The following KCNAB2 variants were observed in gnomAD, a reference collection of about 807,000 sequenced individuals.
The protein encoded by KCNAB2 is potassium voltage-gated channel subfamily A regulatory beta subunit 2.
In KCNAB2, 29 loss-of-function variants were observed where a neutral mutation model predicts 63.6. That is an observed-to-expected ratio of 0.46 (90% confidence interval 0.34 to 0.62). The LOEUF is 0.62. KCNAB2 is among the 20% of genes least tolerant of loss of function. The pLI is 0.01. For synonymous variants in KCNAB2, 222 were observed against 224.2 expected, an observed-to-expected ratio of 0.99 and a Z score of 0.09; for missense variants, 359 against 563.9, an observed-to-expected ratio of 0.64 and a Z score of 3.68.
chr1:6,039,690 A>G (rs1660338774), intron 1 of KCNAB2, among the ~76,000 whole-genome samples: 1 of 152,138 alleles, frequency 6.6e-6, no homozygotes, highest in African/African-American at 2.4e-5. Flanking sequence ...CTCACCTTGG[A>G]AACCTCTGGT....
intron 2 of KCNAB2, among the ~76,000 whole-genome samples, chr1:6,067,830 G>T (rs1662880477): frequency 6.6e-6 from 1 of 152,188 alleles, no homozygotes; most frequent in Non-Finnish European, 1.5e-5. Context: ...AGGAGATCAA[G>T]ACCAGCCTGG....
intron 1 of KCNAB2, among the ~76,000 whole-genome samples, chr1:6,012,236 G>T (rs1263292788): frequency 2.2e-5 from 3 of 139,052 alleles, no homozygotes; most frequent in Middle Eastern, 3.8e-3. Context: ...GGAGGTGGAG[G>T]TGATGAAGGC....
intron 1 of KCNAB2, among the ~76,000 whole-genome samples, chr1:6,017,612 A>G (rs1658585284): frequency 6.6e-6 from 1 of 152,054 alleles, no homozygotes; most frequent in South Asian, 2.1e-4. Context: ...TGGCCAACAT[A>G]GTGAAACCCC....
rs1200167148 is a variant in KCNAB2, at chr1:6,071,869, G to A, written c.219-886G>A. Among the ~76,000 whole-genome samples, 1 of 150,248 alleles carries A rather than the reference G, an allele frequency of 6.7e-6. No homozygotes were observed. The highest frequency in any genetic ancestry group is 2.5e-5 in the African/African-American group (1 of 40,152). ...GCCGCGAGGGCACCTCCTGCCGCGT[G>A]GGCTCCTCCTGCCGCGTAGGGCTCC... On this transcript the variant is annotated intron_variant, in intron 2 of 15. Coordinates refer to ENST00000378083, the MANE Select transcript of KCNAB2 (RefSeq NM_001199862.2). The surrounding 1 kb of genome is among the most constrained non-coding windows in gnomAD (Gnocchi z 8.5).
At position 6,082,240 on chromosome 1, in the gene KCNAB2, C is replaced by T; in HGVS notation, c.346C>T (p.Leu116Phe). Residue 116 changes from leucine to phenylalanine, a missense_variant, in exon 5 of 16, where the codon CTC becomes TTC. By Grantham distance (22) the Leu-to-Phe change is conservative. This residue lies in a region of KCNAB2 where 271 missense variants were observed against 476.1 expected (regional missense o/e 0.57). Coordinates refer to ENST00000378083, the MANE Select transcript of KCNAB2 (RefSeq NM_001199862.2). The part of the protein sequence containing the change: ...MTLAYDNGIN[L>F]FDTAEVYAAG... ...CTTGGCCTATGATAATGGCATCAAC[C>T]TCTTCGATACAGCAGAAGTCTACGC... is the stretch of plus-strand genomic sequence containing the variant. The T allele has an allele frequency of 6.2e-7, 1 of 1,613,932 alleles. No homozygotes were observed. Among genetic ancestry groups the T allele is most frequent in the Non-Finnish European group, 8.5e-7 (1 of 1,179,852 alleles).
intron 2 of KCNAB2, among the ~76,000 whole-genome samples, chr1:6,061,989 C>T (rs778358030): frequency 4.6e-5 from 7 of 152,130 alleles, no homozygotes; most frequent in Non-Finnish European, 8.8e-5. Context: ...ACAGACTTTC[C>T]GGCAAAGAAT....
chr1:6,041,361 G>T (rs151163746), upstream of KCNAB2: 801 of 182,672 alleles, frequency 4.4e-3, 5 homozygotes, highest in African/African-American at 0.018. Context: ...CTGAGCCAGA[G>T]CCCGTGTCTG....
At chr1:6,095,088 C>T (rs1311137620) in intron 11 of KCNAB2, among the ~76,000 whole-genome samples, 1 of 152,248 alleles carries the variant, frequency 6.6e-6, no homozygotes, top group Non-Finnish European at 1.5e-5. Context: ...AGAGCCTGGG[C>T]TGCTCATAAC....
intron 9 of KCNAB2, among the ~76,000 whole-genome samples, chr1:6,090,790 A>T (rs1665125288): frequency 6.6e-6 from 1 of 152,084 alleles, no homozygotes; most frequent in Non-Finnish European, 1.5e-5. Context: ...TGCGGCTGCT[A>T]TTTTGCAGCT....
chr1:6,071,648 T>A lies in KCNAB2; in HGVS notation c.219-1107T>A, dbSNP rs1663196026. 6.6e-6 allele frequency among the ~76,000 whole-genome samples: 1 copy of A among 152,162 alleles called. No homozygotes were observed. Among genetic ancestry groups the A allele is most frequent in the African/African-American group, 2.4e-5 (1 of 41,438 alleles). On this transcript the variant is annotated intron_variant, in intron 2 of 15. Coordinates refer to ENST00000378083, the MANE Select transcript of KCNAB2 (RefSeq NM_001199862.2). The surrounding 1 kb of genome is among the most constrained non-coding windows in gnomAD (Gnocchi z 8.5). ...CAAGGCGCCTGCTGCGTAGGGCACC[T>A]GCCGCTTAGGACTCCTGCCACCGCG...
Position 6,078,031 on chromosome 1 carries a change from C to T in KCNAB2, c.301-4164C>T, listed in dbSNP as rs554734268. On this transcript the variant is annotated intron_variant, in intron 4 of 15. Transcript: ENST00000378083. The surrounding 1 kb of genome is among the most constrained non-coding windows in gnomAD (Gnocchi z 4.2). ...GCCTAAGTCCAGGAGTCAGCCGGGC[C>T]GGGCTTCCTTCTCCCGGCCAGGACC... Among the ~76,000 whole-genome samples, 70 of 149,596 alleles carry T rather than the reference C, an allele frequency of 4.7e-4. No individual in the cohort carries two copies. The highest frequency in any genetic ancestry group is 2.3e-3 in the East Asian group (12 of 5,160).
At chr1:6,045,438 T>C (rs1660835773), upstream of KCNAB2, among the ~76,000 whole-genome samples, 1 of 152,154 alleles carries the variant, frequency 6.6e-6, no homozygotes, top group South Asian at 2.1e-4. This position sits in a 1 kb window ranked among gnomAD's most constrained non-coding sequence, Gnocchi z 4.8. Context: ...GGTCAGGACA[T>C]GTGCCGTGGA....
At chr1:6,013,755 C>T (rs1042283670) in intron 1 of KCNAB2, among the ~76,000 whole-genome samples, 3 of 152,068 alleles carry the variant, frequency 2.0e-5, no homozygotes, top group African/African-American at 7.2e-5. Flanking sequence ...CAGGTGGCCC[C>T]AGCTCACACC....
At chr1:6,068,551 C>T (rs530960781) in intron 2 of KCNAB2, among the ~76,000 whole-genome samples, 40 of 152,284 alleles carry the variant, frequency 2.6e-4, no homozygotes, top group African/African-American at 8.9e-4. Context: ...GCTGTCACGG[C>T]GGGAGGGTAG....
rs143402250 is a variant in KCNAB2, at chr1:6,027,767, G to A, written c.-52-12750G>A. 2.3e-3 allele frequency among the ~76,000 whole-genome samples: 347 copies of A among 152,310 alleles called. 1 individual carries two copies. Among genetic ancestry groups the A allele is most frequent in the African/African-American group, 7.7e-3 (322 of 41,560 alleles). On this transcript the variant is annotated intron_variant, in intron 1 of 16. Coordinates refer to the KCNAB2 transcript ENST00000341524. ...TTCGGCAGTCATGACCTTGGGCACC[G>A]TGGTTAGGTCCCAATGCTTCTGCTG...
rs200654365 is a variant in KCNAB2 at position 6,011,305 on chromosome 1, G to A, written c.-53+18517G>A. ...CCAGGTGTGCGGGAGACAGGCAGGCGGCTGTGCCCAGGGCCAAGTGTGCGG... is the reference window on the plus strand; with the variant it reads ...CCAGGTGTGCGGGAGACAGGCAGGCAGCTGTGCCCAGGGCCAAGTGTGCGG... On this transcript the variant is annotated intron_variant, in intron 1 of 16. Coordinates refer to the KCNAB2 transcript ENST00000341524. 3.9e-4 allele frequency among the ~76,000 whole-genome samples: 53 copies of A among 137,662 alleles called. 1 individual carries two copies. In the East Asian group the frequency reaches 0.011, roughly 27 times the overall value. 90.3% of individuals were successfully genotyped at this position (137,662 alleles called of 152,430 possible).
At chr1:6,038,212 T>C (rs1660213108) in intron 1 of KCNAB2, among the ~76,000 whole-genome samples, 1 of 151,880 alleles carries the variant, frequency 6.6e-6, no homozygotes, top group African/African-American at 2.4e-5. Context: ...CTCCAGGGGA[T>C]CGTCACCAAG....
Position 6,099,983 on chromosome 1 carries a change from G to T in KCNAB2, c.*1409G>T, listed in dbSNP as rs1207583230. On this transcript the variant is annotated 3_prime_UTR_variant, in exon 16 of 16. Transcript: ENST00000378083. Reference sequence around the variant, plus strand: ...GGCTTTGCAGACCACGCGGGGCAGGGCTCCACTGAAGCCACCCCCACCCCT... The same window carrying T: ...GGCTTTGCAGACCACGCGGGGCAGGTCTCCACTGAAGCCACCCCCACCCCT... The T allele has an allele frequency of 6.5e-7, 1 of 1,547,708 alleles. No homozygotes were observed. Among genetic ancestry groups the T allele is most frequent in the Non-Finnish European group, 8.7e-7 (1 of 1,145,590 alleles).
At chr1:6,066,549 C>A (rs1323851185) in intron 2 of KCNAB2, among the ~76,000 whole-genome samples, 2 of 152,302 alleles carry the variant, frequency 1.3e-5, no homozygotes, top group Non-Finnish European at 2.9e-5. Flanking sequence ...TGTTTTCTTT[C>A]TGAGGGTCGT....
Sources: gnomAD v4.1 joint callset for allele counts (sites outside exome capture counted in the v4.1 genomes callset) on GRCh38, gnomAD v4.1.1 for gene constraint, gnomAD v4.1.1 regional missense constraint, Gnocchi (gnomAD v3.1) non-coding constraint, MANE v1.5 for transcripts, NCBI Gene and HGNC (gene_info 2026-07-23, HGNC 2026-07-21) for gene names.